PPP1R9A: variants seen among roughly 807,000 people sequenced by gnomAD.
PPP1R9A encodes neurabin-1.
A neutral mutation model predicts 141.9 loss-of-function variants in PPP1R9A; 59 were observed. That is an observed-to-expected ratio of 0.42 (90% CI 0.34 to 0.52). PPP1R9A has a LOEUF of 0.52. Ranked by LOEUF, PPP1R9A falls within the 20% of genes least tolerant of loss-of-function variation. The pLI is 0.10. For synonymous variants in PPP1R9A, 500 were observed against 569.7 expected, an observed-to-expected ratio of 0.88 and a Z score of 1.74; for missense variants, 1,444 against 1,611.9, an observed-to-expected ratio of 0.90 and a Z score of 1.78.
chr7:95,149,946 T>C (rs554222470), intron 4 of PPP1R9A, among the ~76,000 whole-genome samples: 1 of 152,168 alleles, frequency 6.6e-6, no homozygotes, highest in Non-Finnish European at 1.5e-5. Context: ...ATTAGTTGAC[T>C]TCAAGACTTA....
chr7:95,281,953 C>T (rs924980639), intron 16 of PPP1R9A, among the ~76,000 whole-genome samples: 3 of 151,892 alleles, frequency 2.0e-5, no homozygotes, highest in African/African-American at 7.3e-5. Flanking sequence ...TCAGAGATAC[C>T]CAATTATAAG....
At chr7:95,188,595 G>GTTT (rs1462793245) in intron 5 of PPP1R9A, among the ~76,000 whole-genome samples, 4 of 115,846 alleles carry the variant, frequency 3.5e-5, no homozygotes, top group African/African-American at 1.4e-4. Context: ...TCTGTGTTGT[G>GTTT]TTTTGTTTTT....
intron 2 of PPP1R9A, among the ~76,000 whole-genome samples, chr7:94,924,058 T>C (rs1298581765): frequency 6.6e-6 from 1 of 152,124 alleles, no homozygotes; most frequent in African/African-American, 2.4e-5. Flanking sequence ...ATATAGATGA[T>C]TGTATATAAT....
At chr7:95,192,869 TA>T (rs1404811764) in intron 5 of PPP1R9A, among the ~76,000 whole-genome samples, 1 of 152,064 alleles carries the variant, frequency 6.6e-6, no homozygotes, top group Non-Finnish European at 1.5e-5. Context: ...TAGTTGCATA[TA>T]TAATCTTACA....
chr7:95,184,908 A>T (rs1046339709), intron 5 of PPP1R9A, among the ~76,000 whole-genome samples: 1 of 152,058 alleles, frequency 6.6e-6, no homozygotes, highest in African/African-American at 2.4e-5. Flanking sequence ...TTTGCAGTTG[A>T]GAATTCTGCT....
At chr7:95,017,391 C>A (rs1184833379) in intron 2 of PPP1R9A, among the ~76,000 whole-genome samples, 7 of 152,104 alleles carry the variant, frequency 4.6e-5, no homozygotes, top group African/African-American at 1.7e-4. Context: ...AGTGAATCTT[C>A]ATAATTGCAA....
intron 7 of PPP1R9A, among the ~76,000 whole-genome samples, chr7:95,207,015 A>G (rs1393526435): frequency 6.6e-6 from 1 of 152,106 alleles, no homozygotes; most frequent in East Asian, 1.9e-4. Context: ...AATTTTTTCT[A>G]ACAAATTATG....
intron 2 of PPP1R9A, among the ~76,000 whole-genome samples, chr7:94,986,750 CAATT>C (rs1800894848): frequency 1.3e-5 from 2 of 152,050 alleles, no homozygotes; most frequent in Admixed American, 1.3e-4. Flanking sequence ...TATTATGTGT[CAATT>C]AAAAAGAAAA....
In PPP1R9A at chr7:95,176,484, G is replaced by T. The variant is rs1325609294; in HGVS notation, c.1754+14513G>T. 5 of 152,382 alleles carry T rather than the reference G, an allele frequency of 3.3e-5. No homozygotes were observed. In the Admixed American group the frequency reaches 3.3e-4, roughly 10 times the overall value. 9.4% of individuals were successfully genotyped at this position (152,382 alleles called of 1,614,324 possible). A position where few individuals can be genotyped will look rare whatever the true frequency, so the allele number is the denominator to read the frequency against. On this transcript the variant is annotated intron_variant, in intron 5 of 19. Transcript: ENST00000433360. ...CCTCCCCCCCAGAAAAAAAATCACAGTAGCTCACCAACAGTGGATCCAAAC... is the reference window on the plus strand; with the variant it reads ...CCTCCCCCCCAGAAAAAAAATCACATTAGCTCACCAACAGTGGATCCAAAC...
At chr7:95,042,907 T>G (rs896801700) in intron 2 of PPP1R9A, among the ~76,000 whole-genome samples, 3 of 138,104 alleles carry the variant, frequency 2.2e-5, no homozygotes, top group Non-Finnish European at 4.9e-5. Flanking sequence ...CATCTAAAAG[T>G]ATATTTTTGT....
In PPP1R9A at chr7:95,108,307, C is replaced by CTTTTTTTTTTTTTTTTTTTTTTT. The variant is rs1166103728; in HGVS notation, c.1396-2948_1396-2926dup. ...TTTTCTTTTCTTTTTCGTTTCTTTT[C>CTTTTTTTTTTTTTTTTTTTTTTT]TTTTTTTTTTTTTTTTTTTTTTTTT... On this transcript the variant is annotated intron_variant, in intron 2 of 19. Coordinates refer to ENST00000433360, the MANE Select transcript of PPP1R9A (RefSeq NM_001166160.2). Among the ~76,000 whole-genome samples, 32 of 59,596 alleles carry CTTTTTTTTTTTTTTTTTTTTTTT rather than the reference C, an allele frequency of 5.4e-4. 3 individuals carry two copies. The highest frequency in any genetic ancestry group is 7.4e-4 in the Non-Finnish European group (24 of 32,484). The allele number at this position is 59,596 out of a possible 152,430, so 39.1% of individuals were successfully genotyped here.
intron 2 of PPP1R9A, among the ~76,000 whole-genome samples, chr7:95,071,692 T>C (rs1423580382): frequency 6.6e-6 from 1 of 151,940 alleles, no homozygotes; most frequent in African/African-American, 2.4e-5. Context: ...AGAAAGAATA[T>C]GCTTAGTAAA....
At chr7:95,283,901 G>A (rs957121913) in intron 16 of PPP1R9A, 117 bp from the exon 17 acceptor site, 56 of 909,868 alleles carry the variant, frequency 6.2e-5, no homozygotes, top group Non-Finnish European at 8.4e-5. Flanking sequence ...TTTTTACTCT[G>A]TTGAATAGAA....
intron 2 of PPP1R9A, among the ~76,000 whole-genome samples, chr7:95,060,356 A>G (rs1177268832): frequency 1.3e-5 from 2 of 152,114 alleles, no homozygotes; most frequent in Non-Finnish European, 2.9e-5. Flanking sequence ...AGATTTGGGG[A>G]TTTGTATAAA....
intron 2 of PPP1R9A, among the ~76,000 whole-genome samples, chr7:95,013,401 GT>G (rs1804689793): frequency 6.6e-6 from 1 of 151,988 alleles, no homozygotes; most frequent in Non-Finnish European, 1.5e-5. Flanking sequence ...TCCTTAAATA[GT>G]TTTTGTTCCA....
At chr7:95,029,012 T>C (rs1210384880) in intron 2 of PPP1R9A, among the ~76,000 whole-genome samples, 1 of 152,194 alleles carries the variant, frequency 6.6e-6, no homozygotes, top group Admixed American at 6.5e-5. Flanking sequence ...ATAGAACTCC[T>C]GTTTTTGGTG....
Position 95,042,918 on chromosome 7 carries a change from TA to T in PPP1R9A, c.1396-68331del, listed in dbSNP as rs56012240. 2.9e-3 allele frequency among the ~76,000 whole-genome samples: 429 copies of T among 149,820 alleles called. 2 individuals carry two copies. The highest frequency in any genetic ancestry group is 0.02 in the East Asian group (101 of 5,082). On this transcript the variant is annotated intron_variant, in intron 2 of 19. Coordinates refer to ENST00000433360, the MANE Select transcript of PPP1R9A (RefSeq NM_001166160.2). Reference sequence around the variant, plus strand: ...GGTACATCTAAAAGTATATTTTTGTTAAAAAAAAAAGTCCCTTTAAGACAGA... The same window carrying T: ...GGTACATCTAAAAGTATATTTTTGTTAAAAAAAAAGTCCCTTTAAGACAGA...
At chr7:95,155,855 A>G (rs146814839) in intron 4 of PPP1R9A, 42 of 152,350 alleles carry the variant, frequency 2.8e-4, no homozygotes, top group Admixed American at 1.6e-3. Context: ...TTACATGACA[A>G]TAAAGCATTA....
intron 10 of PPP1R9A, 147 bp downstream of exon 10, chr7:95,250,402 T>G (rs1362316427): frequency 2.5e-5 from 18 of 707,628 alleles, no homozygotes; most frequent in South Asian, 7.3e-5. Context: ...TAAATACACA[T>G]TAAGTTTTGG....
Sources: allele counts gnomAD v4.1 joint callset (sites outside exome capture counted in the v4.1 genomes callset), GRCh38; gene constraint gnomAD v4.1.1; transcripts MANE v1.5; gene names NCBI Gene and HGNC (gene_info 2026-07-23, HGNC 2026-07-21).